The following KATNAL1 variants were observed in gnomAD, a reference collection of about 807,000 sequenced individuals.
KATNAL1 encodes katanin p60 ATPase-containing subunit A-like 1.
In KATNAL1, 32 loss-of-function variants were observed where a neutral mutation model predicts 55.2. The observed-to-expected ratio is 0.58, with a 90% CI of 0.44 to 0.78. KATNAL1 has a LOEUF of 0.78. Ranked by LOEUF, KATNAL1 falls within the 30% of genes least tolerant of loss-of-function variation. The pLI, the probability that KATNAL1 is intolerant of heterozygous loss-of-function variation, is 0.00. For synonymous variants in KATNAL1, 193 were observed against 193.6 expected (o/e 1.00, Z 0.02); for missense variants, 466 against 600.9 (o/e 0.78, Z 2.35).
intron 3 of KATNAL1, among the ~76,000 whole-genome samples, chr13:30,264,171 A>T (rs78013566): frequency 0.55 from 81,990 of 149,592 alleles, 23,949 homozygotes; most frequent in East Asian, 0.71. Flanking sequence ...CTGGCTAGCC[A>T]TATGTAGAAA....
At chr13:30,247,374 G>GA (rs1173539270) in intron 4 of KATNAL1, among the ~76,000 whole-genome samples, 1 of 152,142 alleles carries the variant, frequency 6.6e-6, no homozygotes, top group Admixed American at 6.5e-5. Flanking sequence ...CATTTAAATT[G>GA]AAATTATGAA....
chr13:30,295,932 A>C (rs1232830239), intron 1 of KATNAL1, among the ~76,000 whole-genome samples: 2 of 151,920 alleles, frequency 1.3e-5, no homozygotes, highest in Non-Finnish European at 2.9e-5. Context: ...GGCCAGGCAC[A>C]TTGGGTCATG....
chr13:30,255,677 T>G, intron 3 of KATNAL1, 62 bp from the exon 4 acceptor site: 1 of 1,298,478 alleles, frequency 7.7e-7, no homozygotes, highest in African/African-American at 1.6e-5. Flanking sequence ...GGCAAAAGTA[T>G]GTCAATACTA....
chr13:30,282,386 C>T (rs926366324), intron 2 of KATNAL1, among the ~76,000 whole-genome samples: 1 of 152,100 alleles, frequency 6.6e-6, no homozygotes, highest in African/African-American at 2.4e-5. Context: ...ACATGTAATA[C>T]CAGTGCTTTG....
rs1177725810 is a variant in KATNAL1 at position 30,269,651 on chromosome 13, G to C, written c.323+10412C>G. Reference sequence around the variant, plus strand: ...GAGCGCCTCTGCCTGGCCGCCCATCGTCTGGGATGTGAGGAGCGCCTCTAC... The same window carrying C: ...GAGCGCCTCTGCCTGGCCGCCCATCCTCTGGGATGTGAGGAGCGCCTCTAC... On this transcript the variant is annotated intron_variant, in intron 3 of 10. Coordinates refer to ENST00000380615, the MANE Select transcript of KATNAL1 (RefSeq NM_032116.5). Among the ~76,000 whole-genome samples, 4 of 145,692 alleles carry C rather than the reference G, an allele frequency of 2.7e-5. No individual in the cohort carries two copies. The East Asian group carries it at 8.2e-4, about 30-fold the overall frequency.
intron 6 of KATNAL1, among the ~76,000 whole-genome samples, chr13:30,235,985 A>T (rs1046572620): frequency 6.6e-6 from 1 of 152,234 alleles, no homozygotes; most frequent in African/African-American, 2.4e-5. Flanking sequence ...CATTATTAAG[A>T]AAATTATGAG....
chr13:30,227,564 G>A lies in KATNAL1; in HGVS notation c.1013-18C>T. ...TCCAACTCCTATACACAGTAAGGGAGGAAAAGATAGTGTTTTTCTTACAAC... is the reference window on the plus strand; with the variant it reads ...TCCAACTCCTATACACAGTAAGGGAAGAAAAGATAGTGTTTTTCTTACAAC... On this transcript the variant is annotated intron_variant, in intron 8 of 10. Coordinates refer to ENST00000380615, the MANE Select transcript of KATNAL1 (RefSeq NM_032116.5). 6.3e-7 allele frequency: 1 copy of A among 1,591,974 alleles called. No individual in the cohort carries two copies. Among genetic ancestry groups the A allele is most frequent in the Non-Finnish European group, 8.6e-7 (1 of 1,167,544 alleles).
intron 6 of KATNAL1, among the ~76,000 whole-genome samples, chr13:30,239,778 C>T (rs564281806): frequency 2.5e-4 from 37 of 149,016 alleles, no homozygotes; most frequent in African/African-American, 8.6e-4. Flanking sequence ...CTCCAACTCG[C>T]GGGTTCAAGC....
chr13:30,246,931 T>C (rs1245609767), intron 4 of KATNAL1, among the ~76,000 whole-genome samples: 3 of 152,192 alleles, frequency 2.0e-5, no homozygotes, highest in African/African-American at 7.2e-5. Context: ...TTCCCCACTT[T>C]CATGTTACAA....
rs562994980 is a variant in KATNAL1 at position 30,222,919 on chromosome 13, C to T, written c.1147+4493G>A. On this transcript the variant is annotated intron_variant, in intron 9 of 10. Transcript: ENST00000380615. ...ACCAGCCTGGACAACATGGCGAAAC[C>T]CCGTCTCTACTAATAATATAAAAAA... is the stretch of plus-strand genomic sequence containing the variant. Among the ~76,000 whole-genome samples the T allele has an allele frequency of 3.4e-3, 510 of 150,246 alleles. 1 individual carries two copies. Among genetic ancestry groups the T allele is most frequent in the African/African-American group, 0.012 (481 of 39,814 alleles).
chr13:30,268,207 C>T (rs1879930325), intron 3 of KATNAL1, among the ~76,000 whole-genome samples: 1 of 152,158 alleles, frequency 6.6e-6, no homozygotes, highest in Non-Finnish European at 1.5e-5. Context: ...ACAGATGTCT[C>T]AGGAGTGACA....
intron 2 of KATNAL1, chr13:30,281,693 A>C (rs1881349987): frequency 6.6e-6 from 1 of 152,234 alleles, no homozygotes; most frequent in Non-Finnish European, 1.5e-5. Flanking sequence ...CATAAAATGG[A>C]AACTTCAAAG....
At chr13:30,240,893 C>T (rs971864092) in intron 5 of KATNAL1, 66 bp downstream of exon 5, 2 of 1,439,726 alleles carry the variant, frequency 1.4e-6, no homozygotes, top group Non-Finnish European at 1.9e-6. Flanking sequence ...AGAAAACTCA[C>T]ACACCAAGAC....
chr13:30,260,650 C>G (rs1390842512), intron 3 of KATNAL1, among the ~76,000 whole-genome samples: 1 of 151,458 alleles, frequency 6.6e-6, no homozygotes, highest in Non-Finnish European at 1.5e-5. Context: ...TGAAATGAAG[C>G]GAGAAGGGAA....
chr13:30,265,754 T>C (rs568616956), intron 3 of KATNAL1, among the ~76,000 whole-genome samples: 5 of 151,484 alleles, frequency 3.3e-5, no homozygotes, highest in Non-Finnish European at 7.4e-5. Flanking sequence ...CTCACACCTG[T>C]AATCCCAGCA....
chr13:30,291,257 C>T (rs1246837002), intron 1 of KATNAL1, among the ~76,000 whole-genome samples: 1 of 152,142 alleles, frequency 6.6e-6, no homozygotes, highest in Non-Finnish European at 1.5e-5. Flanking sequence ...CATAAGAGGT[C>T]AGTGTACAAA....
intron 3 of KATNAL1, among the ~76,000 whole-genome samples, chr13:30,269,916 C>T (rs1216652477): frequency 1.3e-5 from 2 of 151,658 alleles, no homozygotes; most frequent in Non-Finnish European, 2.9e-5. Flanking sequence ...AGCCCCCTGC[C>T]CGGCCAGCCG....
chr13:30,240,745 G>A (rs1877185303), intron 5 of KATNAL1, among the ~76,000 whole-genome samples, 180 bp from the exon 6 acceptor site: 1 of 152,144 alleles, frequency 6.6e-6, no homozygotes, highest in African/African-American at 2.4e-5. Context: ...ACATGTCATT[G>A]AATTAACAAC....
chr13:30,240,932 T>C, intron 5 of KATNAL1, 27 bp downstream of exon 5: 1 of 1,598,848 alleles, frequency 6.3e-7, no homozygotes, highest in Non-Finnish European at 8.5e-7. Context: ...TCCTCTACTT[T>C]AATTCAATAA....
Sources: gnomAD v4.1 joint callset for allele counts (sites outside exome capture counted in the v4.1 genomes callset) on GRCh38, gnomAD v4.1.1 for gene constraint, MANE v1.5 for transcripts, NCBI Gene and HGNC (gene_info 2026-07-23, HGNC 2026-07-21) for gene names.